Variants in KMT2C observed in about 807,000 individuals in gnomAD.
KMT2C encodes histone-lysine N-methyltransferase 2C.
In KMT2C, 88 loss-of-function variants were observed where a neutral mutation model predicts 507.9. That is an observed-to-expected ratio of 0.17 (90% CI 0.15 to 0.21). The LOEUF is 0.21. KMT2C is among the 10% of genes least tolerant of loss of function. KMT2C has a pLI of 1.00. For missense variants in KMT2C, 4,954 were observed against 5,957.8 expected (o/e 0.83, Z 5.55); for synonymous variants, 2,049 against 2,080.8 (o/e 0.98, Z 0.42).
intron 1 of KMT2C, among the ~76,000 whole-genome samples, chr7:152,388,791 CA>C (rs1239677811): frequency 6.6e-5 from 10 of 152,224 alleles, no homozygotes; most frequent in African/African-American, 2.4e-4. Context: ...TCCTGTTGCT[CA>C]GGCTGGAGTG....
chr7:152,194,481 T>A lies in KMT2C; in HGVS notation c.4466A>T (p.Asp1489Val), dbSNP rs146841894. Residue 1489 changes from aspartate to valine, a missense_variant, in exon 29 of 59, where the codon GAT becomes GTT. Asp to Val is a radical substitution (Grantham distance 152). Around this residue, in one of 29 missense-constraint regions of KMT2C, gnomAD observed 6 missense variants for 20.8 expected, o/e 0.29. Transcript: ENST00000262189. ...GTCTAGTTCAGGACTGAGGATCCCATCTAGCTGTTCTTCACTTAATGGTCG... is the reference window on the plus strand; with the variant it reads ...GTCTAGTTCAGGACTGAGGATCCCAACTAGCTGTTCTTCACTTAATGGTCG... ...SSRPLSEEQL[D>V]GILSPELDKM... 2 of 1,613,376 alleles carry A rather than the reference T, an allele frequency of 1.2e-6. No individual in the cohort carries two copies. The highest frequency in any genetic ancestry group is 2.7e-5 in the African/African-American group (2 of 74,918).
intron 1 of KMT2C, among the ~76,000 whole-genome samples, chr7:152,391,807 G>A (rs1439497267): frequency 2.6e-5 from 4 of 152,098 alleles, no homozygotes; most frequent in Non-Finnish European, 5.9e-5. Context: ...CACTGTGGCC[G>A]TTCTTGTTTT....
intron 1 of KMT2C, among the ~76,000 whole-genome samples, chr7:152,381,563 A>G (rs956759762): frequency 1.1e-4 from 17 of 152,242 alleles, no homozygotes; most frequent in African/African-American, 3.9e-4. Flanking sequence ...CATTAGTTCC[A>G]TTTTCTACTA....
intron 52 of KMT2C, among the ~76,000 whole-genome samples, chr7:152,147,723 A>AAAAAAAG (rs1554454320): frequency 1.0e-4 from 14 of 133,988 alleles, no homozygotes; most frequent in Non-Finnish European, 2.0e-4. Flanking sequence ...AAAAAAAAAA[A>AAAAAAAG]AAAAAGAAAA....
rs548116677 is a variant in KMT2C, at chr7:152,383,714, A to T, written c.162-25039T>A. Among the ~76,000 whole-genome samples, 28 of 152,328 alleles carry T rather than the reference A, an allele frequency of 1.8e-4. 2 individuals are homozygous for T. In the South Asian group the frequency reaches 5.6e-3, roughly 30 times the overall value. ...GCTTCTTACTACATTTATTACCTTA[A>T]GCAAGTCACTTAACTTCTCCCTGCC... On this transcript the variant is annotated intron_variant, in intron 1 of 58. Coordinates refer to ENST00000262189, the MANE Select transcript of KMT2C (RefSeq NM_170606.3).
At chr7:152,160,763 C>A (rs796625107) in intron 43 of KMT2C, among the ~76,000 whole-genome samples, 8 of 151,296 alleles carry the variant, frequency 5.3e-5, no homozygotes, top group African/African-American at 1.9e-4. Context: ...GGTTGTTCCC[C>A]ATGCCATTAA....
chr7:152,430,422 C>T (rs2097854652), intron 1 of KMT2C, among the ~76,000 whole-genome samples: 1 of 151,952 alleles, frequency 6.6e-6, no homozygotes, highest in African/African-American at 2.4e-5. Context: ...AAGTTTATTC[C>T]ATGGCAGCTA....
intron 6 of KMT2C, among the ~76,000 whole-genome samples, chr7:152,292,603 A>G (rs1045251214): frequency 7.2e-5 from 11 of 152,188 alleles, no homozygotes; most frequent in African/African-American, 2.7e-4. Context: ...AAAGGTAAAA[A>G]ACATTTTTAG....
chr7:152,228,137 T>C (rs2094991313), intron 18 of KMT2C, among the ~76,000 whole-genome samples: 1 of 152,224 alleles, frequency 6.6e-6, no homozygotes, highest in Non-Finnish European at 1.5e-5. Flanking sequence ...TACATTGATA[T>C]TGTACAGGTT....
intron 1 of KMT2C, among the ~76,000 whole-genome samples, chr7:152,373,523 C>G (rs2097306516): frequency 6.6e-6 from 1 of 152,094 alleles, no homozygotes; most frequent in Non-Finnish European, 1.5e-5. Context: ...TAAAACAAAG[C>G]CACTTAATAC....
At chr7:152,334,495 C>T (rs2096915576) in intron 2 of KMT2C, among the ~76,000 whole-genome samples, 1 of 152,102 alleles carries the variant, frequency 6.6e-6, no homozygotes, top group African/African-American at 2.4e-5. Context: ...AAAATCCATA[C>T]TCTTCATCTT....
chr7:152,151,538 G>A lies in KMT2C; in HGVS notation c.12570C>T (p.Ser4190=), dbSNP rs149872298. The change falls in exon 50 of 59, where the codon AGC becomes AGT. Residue 4190 remains serine (S), a synonymous_variant. Coordinates refer to ENST00000262189, the MANE Select transcript of KMT2C (RefSeq NM_170606.3). ...AACACCACTGTGGTCTGAGTGCTGC[G>A]CTTTCTGCAATACCATGACTAGAAT... ...YKDSSHGIAE[S]AALRPQWCCH... is the part of the protein sequence containing the mutation. 9.5e-4 allele frequency: 1,541 copies of A among 1,613,958 alleles called. 16 individuals carry two copies. The highest frequency in any genetic ancestry group is 1.6e-4 in the Middle Eastern group (1 of 6,062).
At chr7:152,173,186 A>G (rs756562906) in intron 39 of KMT2C, among the ~76,000 whole-genome samples, 1 of 152,228 alleles carries the variant, frequency 6.6e-6, no homozygotes, top group Non-Finnish European at 1.5e-5. Context: ...TATCTCAACA[A>G]TTGAAAAGAA....
chr7:152,156,135 C>T (rs2129099733), intron 45 of KMT2C, 70 bp downstream of exon 45: 1 of 1,599,880 alleles, frequency 6.3e-7, no homozygotes, highest in South Asian at 1.1e-5. Flanking sequence ...AATTCTATTG[C>T]CATTTCACAA....
intron 1 of KMT2C, among the ~76,000 whole-genome samples, chr7:152,428,192 G>A (rs2097838537): frequency 6.6e-6 from 1 of 152,004 alleles, no homozygotes. Flanking sequence ...AAATAACTGG[G>A]CATAAAGCAG....
In KMT2C at chr7:152,195,198, T is replaced by C. The variant is rs566105363; in HGVS notation, c.4379-630A>G. The stretch of plus-strand genomic sequence containing the variant: ...TTTTTTCATGCTTTCTCAATATTAT[T>C]ACTATTAAAAAGTAAAAATTTAGTC... On this transcript the variant is annotated intron_variant, in intron 28 of 58. Transcript: ENST00000262189. Among the ~76,000 whole-genome samples, 3 of 152,328 alleles carry C rather than the reference T, an allele frequency of 2.0e-5. No homozygotes were observed. In the East Asian group the frequency reaches 5.8e-4, roughly 29 times the overall value.
At chr7:152,191,390 T>C (rs2093788159) in intron 31 of KMT2C, among the ~76,000 whole-genome samples, 1 of 152,210 alleles carries the variant, frequency 6.6e-6, no homozygotes, top group African/African-American at 2.4e-5. Flanking sequence ...TTCACTTTAA[T>C]TTCCCCCTTT....
chr7:152,176,041 T>TCAAAA, intron 38 of KMT2C, 150 bp downstream of exon 38: 1 of 891,304 alleles, frequency 1.1e-6, no homozygotes, highest in Non-Finnish European at 1.7e-6. Flanking sequence ...AGACTCCGTC[T>TCAAAA]CAAAACAAAA....
rs2129113587 is a variant in KMT2C at position 152,176,751 on chromosome 7, G to C, written c.8702C>G (p.Pro2901Arg). The change falls in exon 38 of 59, where the codon CCT becomes CGT. Residue 2901 changes from proline (P) to arginine (R), a missense_variant. Physicochemically the swap from Pro to Arg is moderately radical, Grantham distance 103 (BLOSUM62 -2). This residue lies in a region of KMT2C where 1,689 missense variants were observed against 1,654.3 expected (regional missense o/e 1.02). Transcript: ENST00000262189. ...ANVIQASTQL[P>R]AQDVINSCGI... ...ACAAGAGTTTATTACATCTTGAGCA[G>C]GTAGTTGAGTGGATGCCTGAATGAC... The C allele has an allele frequency of 1.9e-6, 3 of 1,614,182 alleles. No homozygotes were observed. The highest frequency in any genetic ancestry group is 2.5e-6 in the Non-Finnish European group (3 of 1,180,024).
Sources: allele counts gnomAD v4.1 joint callset (sites outside exome capture counted in the v4.1 genomes callset), GRCh38; gene constraint gnomAD v4.1.1; regional missense constraint gnomAD v4.1.1; transcripts MANE v1.5; gene names NCBI Gene and HGNC (gene_info 2026-07-23, HGNC 2026-07-21).